RGS6: variants seen among roughly 807,000 people sequenced by gnomAD.
The protein encoded by RGS6 is regulator of G protein signaling 6.
A neutral mutation model predicts 78.5 loss-of-function variants in RGS6; 30 were observed. The ratio of observed to expected loss-of-function variants is 0.38; its 90% CI spans 0.29 to 0.52. The LOEUF is 0.52. RGS6 is among the 20% of genes least tolerant of loss of function. RGS6 has a pLI of 0.85. For synonymous variants in RGS6, 206 were observed against 206.0 expected (o/e 1.00, Z 0.00); for missense variants, 495 against 609.7 (o/e 0.81, Z 1.98).
At chr14:72,583,209 T>A in the RGS6 span, among the ~76,000 whole-genome samples, 1 of 152,172 alleles carries the variant, frequency 6.6e-6, no homozygotes, top group Non-Finnish European at 1.5e-5. Context: ...GCCTTTGGAC[T>A]TGAATACAGC....
At chr14:72,517,819 A>G (rs112839343) in intron 14 of RGS6, among the ~76,000 whole-genome samples, 5 of 152,318 alleles carry the variant, frequency 3.3e-5, no homozygotes, top group African/African-American at 1.2e-4. Flanking sequence ...CTTGATCCCA[A>G]CTAGATTTGA....
At chr14:72,081,694 CTTTT>C (rs916737484) in intron 2 of RGS6, among the ~76,000 whole-genome samples, 3 of 152,112 alleles carry the variant, frequency 2.0e-5, no homozygotes, top group African/African-American at 7.2e-5. Context: ...GTCCAGATGT[CTTTT>C]TTATTTAGCC....
At chr14:72,218,215 G>C (rs1434341586) in intron 2 of RGS6, among the ~76,000 whole-genome samples, 1 of 152,040 alleles carries the variant, frequency 6.6e-6, no homozygotes, top group Non-Finnish European at 1.5e-5. Context: ...GGATTTCCGA[G>C]TCAAAGGCTA....
At chr14:72,129,055 C>T (rs936901805) in intron 2 of RGS6, among the ~76,000 whole-genome samples, 36 of 152,056 alleles carry the variant, frequency 2.4e-4, no homozygotes, top group African/African-American at 7.5e-4. Context: ...TCCTATCGAT[C>T]GTTTAGAAAT....
At chr14:72,281,402 G>A (rs546427558) in intron 2 of RGS6, among the ~76,000 whole-genome samples, 1 of 152,200 alleles carries the variant, frequency 6.6e-6, no homozygotes, top group Non-Finnish European at 1.5e-5. Flanking sequence ...GCCTACCTCG[G>A]CCTCCCAAAG....
chr14:72,136,578 C>A (rs144009937), intron 2 of RGS6, among the ~76,000 whole-genome samples: 273 of 152,252 alleles, frequency 1.8e-3, no homozygotes, highest in African/African-American at 5.8e-3. Context: ...ACGAGACTTA[C>A]TCATTTCCAT....
intron 1 of RGS6, among the ~76,000 whole-genome samples, chr14:71,948,670 C>A (rs796274396): frequency 1.3e-5 from 2 of 151,768 alleles, no homozygotes; most frequent in African/African-American, 2.4e-5. Flanking sequence ...CTCATGGGCC[C>A]TCCCAGTAAG....
At chr14:72,375,501 C>G (rs1260701880) in intron 3 of RGS6, among the ~76,000 whole-genome samples, 2 of 152,160 alleles carry the variant, frequency 1.3e-5, no homozygotes, top group Admixed American at 6.5e-5. Flanking sequence ...ATGTCCTGGG[C>G]CTGAGAAAGA....
chr14:72,011,533 G>C (rs1374186622), intron 2 of RGS6, among the ~76,000 whole-genome samples: 1 of 151,802 alleles, frequency 6.6e-6, no homozygotes, highest in Non-Finnish European at 1.5e-5. Context: ...AAAAACCCAG[G>C]AGATTGGAAG....
chr14:72,480,571 T>A (rs1006610856), intron 12 of RGS6, among the ~76,000 whole-genome samples: 1 of 152,034 alleles, frequency 6.6e-6, no homozygotes, highest in Admixed American at 6.6e-5. Flanking sequence ...ACACGAGGGT[T>A]TTTCATTAGA....
rs542773084 is a variant in RGS6, at chr14:72,289,645, C to T, written c.85-62450C>T. Among the ~76,000 whole-genome samples the T allele has an allele frequency of 7.2e-5, 11 of 152,250 alleles. No individual in the cohort carries two copies. The South Asian group carries it at 2.1e-3, about 29-fold the overall frequency. ...AATGCTGAAACACAGGTTACCTGCC[C>T]GATACCTCTCTGCTATCAAATGTCA... On this transcript the variant is annotated intron_variant, in intron 2 of 17. Transcript: ENST00000553525.
intron 2 of RGS6, among the ~76,000 whole-genome samples, chr14:72,215,922 A>G (rs1037279343): frequency 1.3e-5 from 2 of 152,204 alleles, no homozygotes; most frequent in African/African-American, 4.8e-5. Context: ...TCCTAATTAG[A>G]TGGGGAGGAA....
In RGS6 at chr14:72,353,939, G is replaced by A. The variant is rs138230678; in HGVS notation, c.184+1745G>A. 4.3e-3 allele frequency among the ~76,000 whole-genome samples: 657 copies of A among 151,994 alleles called. 1 individual carries two copies. The highest frequency in any genetic ancestry group is 4.3e-3 in the African/African-American group (180 of 41,436). On this transcript the variant is annotated intron_variant, in intron 3 of 17. Transcript: ENST00000553525. ...GTAGAGGTTGCAGTGAGCTGAGATCGTGCCACTGCACTCCAGCCTGGGTAA... is the reference window on the plus strand; with the variant it reads ...GTAGAGGTTGCAGTGAGCTGAGATCATGCCACTGCACTCCAGCCTGGGTAA...
intron 2 of RGS6, among the ~76,000 whole-genome samples, chr14:72,250,399 G>GAAAAAAAAA (rs58591258): frequency 5.3e-5 from 6 of 114,278 alleles, no homozygotes; most frequent in Non-Finnish European, 7.0e-5. Context: ...TAAATACACC[G>GAAAAAAAAA]AAAAAAAAAA....
chr14:72,069,371 T>C (rs2094315515), intron 2 of RGS6, among the ~76,000 whole-genome samples: 1 of 152,208 alleles, frequency 6.6e-6, no homozygotes. Flanking sequence ...ATCCTAGAAA[T>C]TGTAGCATGC....
At chr14:72,409,108 C>G (rs577644275) in intron 3 of RGS6, among the ~76,000 whole-genome samples, 1 of 152,164 alleles carries the variant, frequency 6.6e-6, no homozygotes, top group South Asian at 2.1e-4. Flanking sequence ...GTGAGGGGTC[C>G]CTCTTGTTCA....
At chr14:72,201,742 C>T (rs2041631883) in intron 2 of RGS6, among the ~76,000 whole-genome samples, 1 of 152,160 alleles carries the variant, frequency 6.6e-6, no homozygotes, top group Non-Finnish European at 1.5e-5. Context: ...CAAGTTACAC[C>T]TGCCACCTGT....
At chr14:72,028,806 C>G (rs1419860431) in intron 2 of RGS6, among the ~76,000 whole-genome samples, 1 of 152,194 alleles carries the variant, frequency 6.6e-6, no homozygotes, top group African/African-American at 2.4e-5. Flanking sequence ...GATTGGCCCT[C>G]TGTTTGTTGC....
chr14:71,972,344 G>T (rs1595452485), intron 2 of RGS6, among the ~76,000 whole-genome samples: 1 of 149,180 alleles, frequency 6.7e-6, no homozygotes, highest in Non-Finnish European at 1.5e-5. Context: ...GTTTCTGAGT[G>T]TTTTTTTTTT....
Sources: gnomAD v4.1 joint callset for allele counts (sites outside exome capture counted in the v4.1 genomes callset) on GRCh38, gnomAD v4.1.1 for gene constraint, MANE v1.5 for transcripts, NCBI Gene and HGNC (gene_info 2026-07-23, HGNC 2026-07-21) for gene names.